The following USP8 variants were observed in gnomAD, a reference collection of about 807,000 sequenced individuals.
USP8 encodes the protein ubiquitin specific peptidase 8.
In USP8, 27 loss-of-function variants were observed where a neutral mutation model predicts 130.0. The ratio of observed to expected loss-of-function variants is 0.21; its 90% CI spans 0.15 to 0.29. USP8 has a LOEUF of 0.29. Among genes scored for constraint, USP8 ranks in the 10% least tolerant of loss-of-function variants. The probability of loss-of-function intolerance (pLI) is 1.00; values close to 1 mark genes in which losing one functional copy is unlikely to be tolerated. For synonymous variants in USP8, 392 were observed against 444.1 expected (o/e 0.88, Z 1.48); for missense variants, 1,029 against 1,312.2 (o/e 0.78, Z 3.33).
chr15:50,450,114 C>G (rs947055078), intron 4 of USP8, among the ~76,000 whole-genome samples: 1 of 151,700 alleles, frequency 6.6e-6, no homozygotes, highest in Non-Finnish European at 1.5e-5. Context: ...AGGATGGTCT[C>G]GAGCTCCTGA....
intron 12 of USP8, among the ~76,000 whole-genome samples, chr15:50,488,706 A>T (rs555349864): frequency 6.6e-6 from 1 of 151,642 alleles, no homozygotes; most frequent in East Asian, 1.9e-4. Flanking sequence ...CTGGAATTAT[A>T]GGTGCATACC....
intron 12 of USP8, among the ~76,000 whole-genome samples, chr15:50,484,752 G>A (rs145613106): frequency 1.3e-5 from 2 of 152,294 alleles, no homozygotes; most frequent in Non-Finnish European, 2.9e-5. Context: ...ATGTCCATCA[G>A]CAGGTGAATG....
chr15:50,484,202 G>A lies in USP8; in HGVS notation c.1804-73G>A, dbSNP rs1595971848. ...TTTTCATTCTCATAGATTCGGTTGT[G>A]TTAGCTAGTAGCTTTATGTTGGGAG... On this transcript the variant is annotated intron_variant, in intron 11 of 19. Coordinates refer to ENST00000307179, the MANE Select transcript of USP8 (RefSeq NM_005154.5). 6 of 1,213,474 alleles carry A rather than the reference G, an allele frequency of 4.9e-6. No homozygotes were observed. The East Asian group carries it at 1.5e-4, about 30-fold the overall frequency. The allele number at this position is 1,213,474 out of a possible 1,614,324, so 75.2% of individuals were successfully genotyped here. A position where few individuals can be genotyped will look rare whatever the true frequency, so the allele number is the denominator to read the frequency against.
At chr15:50,456,231 C>T (rs2050784305) in intron 4 of USP8, among the ~76,000 whole-genome samples, 1 of 152,102 alleles carries the variant, frequency 6.6e-6, no homozygotes, top group Admixed American at 6.6e-5. Flanking sequence ...GTGATCATTT[C>T]TGTCAATGGA....
rs2052558785 is a variant in USP8 at position 50,500,253 on chromosome 15, T to G, written c.*1165T>G. The G allele has an allele frequency of 6.6e-6, 1 of 152,590 alleles. No homozygotes were observed. The highest frequency in any genetic ancestry group is 2.4e-5 in the African/African-American group (1 of 41,454). 9.5% of individuals were successfully genotyped at this position (152,590 alleles called of 1,614,324 possible). A position where few individuals can be genotyped will look rare whatever the true frequency, so the allele number is the denominator to read the frequency against. ...GGCTAAATTATTATATCAAATATAT[T>G]CAAATCATATTCTTAAACTCATCGA... On this transcript the variant is annotated 3_prime_UTR_variant, in exon 20 of 20. Transcript: ENST00000307179.
At chr15:50,437,188 TA>T (rs2050117145) in intron 1 of USP8, among the ~76,000 whole-genome samples, 1 of 152,184 alleles carries the variant, frequency 6.6e-6, no homozygotes, top group Admixed American at 6.6e-5. Context: ...TATATTCTTT[TA>T]TATGTTATAA....
chr15:50,444,097 G>GTTT (rs751970462), intron 3 of USP8, among the ~76,000 whole-genome samples: 2 of 117,472 alleles, frequency 1.7e-5, no homozygotes, highest in Non-Finnish European at 3.5e-5. Context: ...TGTGTGGTAG[G>GTTT]TTTTTTTTTT....
chr15:50,512,999 A>G lies in USP8; in HGVS notation c.*13911A>G, dbSNP rs75866571. 25,666 of 152,184 alleles carry G rather than the reference A, an allele frequency of 0.17. 2,553 individuals are homozygous for G. The highest frequency in any genetic ancestry group is 0.29 in the Admixed American group (4,425 of 15,266). The allele number at this position is 152,184 out of a possible 1,614,324, so 9.4% of individuals were successfully genotyped here. ...AACATGTAAATGACTCTTTCCAATC[A>G]ATAAGAAGAAAAATAACCCAGTTTG... On this transcript the variant is annotated 3_prime_UTR_variant, in exon 20 of 20. Coordinates refer to ENST00000307179, the MANE Select transcript of USP8 (RefSeq NM_005154.5).
Position 50,509,640 on chromosome 15 carries a change from T to G in USP8, c.*10552T>G, listed in dbSNP as rs1186648967. The stretch of plus-strand genomic sequence containing the variant: ...TCCAGCCTGGGCGACAGAGCGAGAC[T>G]GCGTCTCAAAAAATAAAATAAAATA... On this transcript the variant is annotated 3_prime_UTR_variant, in exon 20 of 20. Coordinates refer to ENST00000307179, the MANE Select transcript of USP8 (RefSeq NM_005154.5). The G allele has an allele frequency of 6.6e-6, 1 of 151,830 alleles. No individual in the cohort carries two copies. The highest frequency in any genetic ancestry group is 6.6e-5 in the Admixed American group (1 of 15,228). 9.4% of individuals were successfully genotyped at this position (151,830 alleles called of 1,614,324 possible).
chr15:50,468,495 G>A (rs994720937), intron 7 of USP8, among the ~76,000 whole-genome samples: 5 of 151,920 alleles, frequency 3.3e-5, no homozygotes, highest in Admixed American at 1.3e-4. Context: ...CACCGGCATC[G>A]GCTTCCCAAA....
Position 50,481,688 on chromosome 15 carries a change from A to C in USP8, c.1426A>C (p.Asn476His). ...HAETALLMEK[N>H]KQEKELRERQ... is the part of the protein sequence containing the mutation. ...AGAAACTGCTCTTCTAATGGAAAAA[A>C]ACAAACAAGAAAAAGAACTTCGGGA... The change falls in exon 11 of 20, where the codon AAC (asparagine) becomes CAC (histidine). Residue 476 changes from asparagine to histidine, a missense_variant. This residue lies in a region of USP8 where 486 missense variants were observed against 522.0 expected (regional missense o/e 0.93). Transcript: ENST00000307179. 1.2e-6 allele frequency: 2 copies of C among 1,612,370 alleles called. No homozygotes were observed. The highest frequency in any genetic ancestry group is 1.7e-6 in the Non-Finnish European group (2 of 1,179,736).
rs768961481 is a variant in USP8, at chr15:50,490,358, T to C, written c.2067T>C (p.Pro689=). Residue 689 remains proline, a synonymous_variant, in exon 14 of 20, where the codon CCT becomes CCC. Transcript: ENST00000307179. ...YPPEMAPSSA[P]PSTPPTHKAK... is the part of the protein sequence containing the mutation. ...CGGAAATGGCTCCTTCATCTGCACCTCCTTCCACCCCTCCAACTCATAAAG... is the reference window on the plus strand; with the variant it reads ...CGGAAATGGCTCCTTCATCTGCACCCCCTTCCACCCCTCCAACTCATAAAG... 6.2e-7 allele frequency: 1 copy of C among 1,613,926 alleles called. No homozygotes were observed. The highest frequency in any genetic ancestry group is 8.5e-7 in the Non-Finnish European group (1 of 1,179,988).
chr15:50,436,994 T>A (rs560365481), intron 1 of USP8, among the ~76,000 whole-genome samples: 9 of 147,764 alleles, frequency 6.1e-5, no homozygotes, highest in South Asian at 4.3e-4. Flanking sequence ...CTTTTTTTTT[T>A]AAATCAATAT....
At chr15:50,448,669 A>G (rs2050516614) in intron 3 of USP8, among the ~76,000 whole-genome samples, 1 of 151,782 alleles carries the variant, frequency 6.6e-6, no homozygotes, top group Non-Finnish European at 1.5e-5. Context: ...ACAGGCACAT[A>G]CCACCACACC....
intron 3 of USP8, among the ~76,000 whole-genome samples, chr15:50,442,137 G>A (rs1452390778): frequency 6.6e-6 from 1 of 151,910 alleles, no homozygotes; most frequent in East Asian, 1.9e-4. Context: ...ACCAAGCCTG[G>A]CTAATTTTGT....
intron 1 of USP8, among the ~76,000 whole-genome samples, 186 bp from the exon 2 acceptor site, chr15:50,438,823 T>A (rs1567600901): frequency 6.6e-6 from 1 of 152,164 alleles, no homozygotes; most frequent in Admixed American, 6.6e-5. Flanking sequence ...TAATGAAAAT[T>A]TGAAAAAAAT....
chr15:50,446,103 A>G (rs1246436773), intron 3 of USP8, among the ~76,000 whole-genome samples: 2 of 152,162 alleles, frequency 1.3e-5, no homozygotes, highest in East Asian at 1.9e-4. Context: ...TGGTAAACCT[A>G]TTTTTGTTTA....
At chr15:50,449,257 T>A (rs1478655649) in intron 3 of USP8, 143 bp from the exon 4 acceptor site, 8 of 415,688 alleles carry the variant, frequency 1.9e-5, no homozygotes, top group Non-Finnish European at 3.5e-5. Flanking sequence ...TACATTTACA[T>A]AGGTTAAAAG....
At chr15:50,468,652 G>T (rs2051276718) in intron 7 of USP8, among the ~76,000 whole-genome samples, 1 of 152,036 alleles carries the variant, frequency 6.6e-6, no homozygotes, top group Non-Finnish European at 1.5e-5. Context: ...TATCACCGAG[G>T]TATTAAGCTC....
Sources: gnomAD v4.1 joint callset for allele counts (sites outside exome capture counted in the v4.1 genomes callset) on GRCh38, gnomAD v4.1.1 for gene constraint, gnomAD v4.1.1 regional missense constraint, MANE v1.5 for transcripts, NCBI Gene and HGNC (gene_info 2026-07-23, HGNC 2026-07-21) for gene names.